Variants in TBC1D5 observed in about 807,000 individuals in gnomAD.
TBC1D5 encodes TBC1 domain family, member 5.
TBC1D5 carries 75 observed loss-of-function variants against 100.3 expected under a neutral mutation model. The ratio of observed to expected loss-of-function variants is 0.75; its 90% CI spans 0.62 to 0.91. The LOEUF (loss-of-function observed/expected upper bound fraction) is 0.91, where lower values mean the gene tolerates loss of function less well. TBC1D5 is among the 40% of genes least tolerant of loss of function. The pLI is 0.00. For synonymous variants in TBC1D5, 323 were observed against 325.6 expected, an observed-to-expected ratio of 0.99 and a Z score of 0.09; for missense variants, 910 against 942.4, an observed-to-expected ratio of 0.97 and a Z score of 0.45.
chr3:17,725,554 T>A (rs4482690), intron 1 of TBC1D5, among the ~76,000 whole-genome samples: 89,435 of 151,816 alleles, frequency 0.59, 27,024 homozygotes, highest in East Asian at 0.99. Context: ...CCTTGGGCCA[T>A]CCTGGGCTTC....
At chr3:17,311,808 T>C (rs1302176904) in intron 13 of TBC1D5, among the ~76,000 whole-genome samples, 9 of 152,094 alleles carry the variant, frequency 5.9e-5, no homozygotes, top group Admixed American at 5.9e-4. Context: ...TAAGGGCATC[T>C]TGAGTAACCT....
chr3:17,238,408 T>C (rs749234696), exon 17 of TBC1D5: 5 of 1,612,398 alleles, frequency 3.1e-6, no homozygotes, highest in East Asian at 2.2e-5. Context: ...GGGAGCACCT[T>C]TGGCATTGGT....
chr3:17,507,715 T>C (rs372906278), intron 3 of TBC1D5, among the ~76,000 whole-genome samples: 31 of 152,268 alleles, frequency 2.0e-4, no homozygotes, highest in African/African-American at 7.5e-4. Context: ...ATACCTGCAT[T>C]CCACAAGTGA....
At chr3:17,427,352 C>T (rs2094356962) in intron 4 of TBC1D5, among the ~76,000 whole-genome samples, 1 of 151,848 alleles carries the variant, frequency 6.6e-6, no homozygotes, top group Admixed American at 6.6e-5. Flanking sequence ...AATTCATAAA[C>T]AAATTGTAAA....
intron 1 of TBC1D5, among the ~76,000 whole-genome samples, chr3:17,727,624 T>C (rs1325198283): frequency 1.3e-5 from 2 of 152,012 alleles, no homozygotes; most frequent in East Asian, 3.9e-4. Context: ...ATTACCAAAA[T>C]TGATCCAAGA....
rs1425458656 is a variant in TBC1D5 at position 17,359,608 on chromosome 3, C to T, written c.995+12467G>A. On this transcript the variant is annotated intron_variant, in intron 13 of 21. Coordinates refer to ENST00000253692, the Ensembl canonical transcript of TBC1D5. ...CTCTTTGTTCCCATAAAAGGTTTTA[C>T]ACATATTAAGCAGTCTCTCAAGGTC... Among the ~76,000 whole-genome samples the T allele has an allele frequency of 2.0e-5, 3 of 151,994 alleles. No individual in the cohort carries two copies. In the East Asian group the frequency reaches 5.8e-4, roughly 29 times the overall value.
chr3:17,193,432 T>C (rs1341265648), intron 18 of TBC1D5, among the ~76,000 whole-genome samples: 1 of 152,244 alleles, frequency 6.6e-6, no homozygotes, highest in Non-Finnish European at 1.5e-5. Flanking sequence ...AAATCTCTTT[T>C]TGAAGTCAGG....
At chr3:17,544,599 C>T (rs963797979) in intron 2 of TBC1D5, among the ~76,000 whole-genome samples, 2 of 148,432 alleles carry the variant, frequency 1.3e-5, no homozygotes, top group Non-Finnish European at 3.0e-5. Context: ...TGCAGTGAGC[C>T]GAGATCGCGC....
intron 3 of TBC1D5, among the ~76,000 whole-genome samples, chr3:17,476,262 A>G (rs1442902892): frequency 6.6e-6 from 1 of 151,734 alleles, no homozygotes; most frequent in East Asian, 1.9e-4. Flanking sequence ...TAAAAGTTTT[A>G]TAGTTTTGCT....
chr3:17,350,792 T>C (rs1464419833), intron 13 of TBC1D5, among the ~76,000 whole-genome samples: 4 of 152,156 alleles, frequency 2.6e-5, no homozygotes, highest in Admixed American at 6.6e-5. Context: ...TAGACAACCA[T>C]TTATTAATTT....
chr3:17,463,778 A>G (rs2095254737), intron 3 of TBC1D5, among the ~76,000 whole-genome samples: 1 of 152,026 alleles, frequency 6.6e-6, no homozygotes, highest in African/African-American at 2.4e-5. Flanking sequence ...TATATAAACA[A>G]CTGTACTTCC....
At chr3:17,579,881 G>A (rs2096682486) in intron 2 of TBC1D5, among the ~76,000 whole-genome samples, 2 of 152,206 alleles carry the variant, frequency 1.3e-5, no homozygotes, top group East Asian at 3.9e-4. Context: ...GAGAGAGACA[G>A]CAGAGATCAC....
At chr3:17,719,681 C>T (rs1300365026) in intron 1 of TBC1D5, among the ~76,000 whole-genome samples, 1 of 152,050 alleles carries the variant, frequency 6.6e-6, no homozygotes, top group African/African-American at 2.4e-5. Flanking sequence ...CAAAAAATAT[C>T]ATTTTCAAAA....
At position 17,484,455 on chromosome 3, in the gene TBC1D5, G is replaced by GGTGTGTGTGTGTGTGT. The variant is rs34847216; in HGVS notation, c.97+24003_97+24018dup. 2.2e-3 allele frequency among the ~76,000 whole-genome samples: 246 copies of GGTGTGTGTGTGTGTGT among 111,532 alleles called. 9 individuals are homozygous for GGTGTGTGTGTGTGTGT. The highest frequency in any genetic ancestry group is 6.8e-3 in the South Asian group (22 of 3,244). 73.2% of individuals were successfully genotyped at this position (111,532 alleles called of 152,430 possible). On this transcript the variant is annotated intron_variant, in intron 3 of 21. Coordinates refer to ENST00000253692, the Ensembl canonical transcript of TBC1D5. ...TTTAAAGATAATAAGGTAACACCAG[G>GGTGTGTGTGTGTGTGT]GTGTGTGTGTGTGTGTGTGTGTGTG... is the stretch of plus-strand genomic sequence containing the variant.
At chr3:17,643,499 C>T (rs2064726895) in intron 1 of TBC1D5, among the ~76,000 whole-genome samples, 2 of 151,996 alleles carry the variant, frequency 1.3e-5, no homozygotes, top group Admixed American at 1.3e-4. Context: ...ATGAGTCTTG[C>T]CTGCAACAAT....
chr3:17,413,658 T>C (rs1423778984), intron 4 of TBC1D5, among the ~76,000 whole-genome samples: 3 of 152,194 alleles, frequency 2.0e-5, no homozygotes, highest in African/African-American at 4.8e-5. Context: ...TGATGACTAA[T>C]AAATTACTAA....
intron 2 of TBC1D5, among the ~76,000 whole-genome samples, chr3:17,526,493 A>C (rs1389426871): frequency 6.6e-6 from 1 of 152,168 alleles, no homozygotes; most frequent in African/African-American, 2.4e-5. Context: ...CTTGGCCCAG[A>C]ATCTACTACT....
chr3:17,735,921 A>G (rs1248117966), intron 1 of TBC1D5, among the ~76,000 whole-genome samples: 3 of 152,230 alleles, frequency 2.0e-5, no homozygotes, highest in African/African-American at 7.2e-5. Flanking sequence ...CAGGGCTCCC[A>G]TACAAGGGAG....
intron 13 of TBC1D5, chr3:17,333,201 G>C (rs1214647762): frequency 1.3e-5 from 2 of 152,064 alleles, no homozygotes; most frequent in African/African-American, 4.8e-5. Flanking sequence ...AAAACTTTAG[G>C]GTTCAAAACA....
Sources: allele counts gnomAD v4.1 joint callset (sites outside exome capture counted in the v4.1 genomes callset), GRCh38; gene constraint gnomAD v4.1.1; transcripts MANE v1.5; gene names NCBI Gene and HGNC (gene_info 2026-07-23, HGNC 2026-07-21).